Variants in CFAP47 observed in about 807,000 individuals in gnomAD.
The protein encoded by CFAP47 is cilia- and flagella-associated protein 47.
CFAP47 carries 29 observed loss-of-function variants against 148.1 expected under a neutral mutation model. The ratio of observed to expected loss-of-function variants is 0.20; its 90% CI spans 0.15 to 0.27. The LOEUF is 0.27. Ranked by LOEUF, CFAP47 falls within the 10% of genes least tolerant of loss-of-function variation. The probability of loss-of-function intolerance (pLI) is 1.00; values close to 1 mark genes in which losing one functional copy is unlikely to be tolerated. For missense variants in CFAP47, 1,872 were observed against 1,697.5 expected (o/e 1.10, Z -1.81); for synonymous variants, 664 against 577.3 (o/e 1.15, Z -2.15).
chrX:36,251,227 T>C, intron 48 of CFAP47, 106 bp from the exon 49 acceptor site: 1 of 284,946 alleles, frequency 3.5e-6, no homozygotes, highest in Non-Finnish European at 6.2e-6. Flanking sequence ...TAAATTAAAT[T>C]TCAGTTTGTT....
At chrX:36,350,177 C>T (rs782733603) in intron 59 of CFAP47, 45 bp downstream of exon 59, 2 of 814,990 alleles carry the variant, frequency 2.5e-6, no homozygotes, top group Non-Finnish European at 3.6e-6. Flanking sequence ...TCTTAGAGAC[C>T]TTAGATATTC....
intron 62 of CFAP47, among the ~76,000 whole-genome samples, chrX:36,372,002 A>ATACACACATGTGTATGTG (rs1941974452): frequency 1.0e-5 from 1 of 99,582 alleles, no homozygotes; most frequent in African/African-American, 3.8e-5. Flanking sequence ...ATGTGTATAT[A>ATACACACATGTGTATGTG]TGTGTGTATC....
chrX:36,237,278 G>C (rs1940480320), intron 48 of CFAP47, among the ~76,000 whole-genome samples: 2 of 111,908 alleles, frequency 1.8e-5, no homozygotes. Flanking sequence ...AAATATTAAG[G>C]AATGCATAAT....
At chrX:36,126,366 G>A (rs915222437) in intron 33 of CFAP47, among the ~76,000 whole-genome samples, 2 of 111,209 alleles carry the variant, frequency 1.8e-5, no homozygotes, top group Admixed American at 1.9e-4. Context: ...CTGTTCACGT[G>A]ATAGTTTGCT....
intron 42 of CFAP47, among the ~76,000 whole-genome samples, chrX:36,195,557 C>T (rs1432667827): frequency 9.0e-6 from 1 of 111,469 alleles, no homozygotes; most frequent in Non-Finnish European, 1.9e-5. Context: ...ATCTTTGATG[C>T]CAAAACAGAT....
intron 54 of CFAP47, 26 bp from the exon 55 acceptor site, chrX:36,306,746 C>T: frequency 9.9e-7 from 1 of 1,014,385 alleles, no homozygotes; most frequent in Non-Finnish European, 1.3e-6. Context: ...ATTTTTGTTC[C>T]CCCTTTGCTT....
In CFAP47 at chrX:36,126,742, A is replaced by G. The variant is rs904982941; in HGVS notation, c.5321-11216A>G. ...TGTGTAAGTGTTCTTATTTCTCCACATCCTCTCCAGCATCTGTTTTTTCCT... is the reference window on the plus strand; with the variant it reads ...TGTGTAAGTGTTCTTATTTCTCCACGTCCTCTCCAGCATCTGTTTTTTCCT... On this transcript the variant is annotated intron_variant, in intron 33 of 63. Transcript: ENST00000378653. Among the ~76,000 whole-genome samples, 3 of 111,767 alleles carry G rather than the reference A, an allele frequency of 2.7e-5. No homozygotes were observed. In the East Asian group the frequency reaches 8.5e-4, roughly 32 times the overall value.
intron 22 of CFAP47, 126 bp downstream of exon 22, chrX:36,015,038 A>C (rs1012401550): frequency 2.0e-5 from 5 of 252,776 alleles, no homozygotes; most frequent in Non-Finnish European, 2.8e-5. Context: ...ATAAAATTTT[A>C]AGAGGATTCC....
intron 49 of CFAP47, among the ~76,000 whole-genome samples, chrX:36,268,202 C>CCAGCCTGAGGA (rs1940918166): frequency 8.8e-6 from 1 of 113,396 alleles, no homozygotes; most frequent in African/African-American, 3.2e-5. Flanking sequence ...CTGCAGGTGT[C>CCAGCCTGAGGA]CAGTCAACAA....
At chrX:36,089,266 G>A (rs1938142748) in intron 30 of CFAP47, among the ~76,000 whole-genome samples, 1 of 110,473 alleles carries the variant, frequency 9.1e-6, no homozygotes, top group African/African-American at 3.3e-5. Context: ...CTACTCGGGA[G>A]GCTGAGGCAG....
In CFAP47 at chrX:35,948,387, G is replaced by A. The variant is rs139957745; in HGVS notation, c.591G>A (p.Lys197=). 29 of 1,199,069 alleles carry A rather than the reference G, an allele frequency of 2.4e-5. No individual in the cohort carries two copies. Among genetic ancestry groups the A allele is most frequent in the Non-Finnish European group, 3.3e-5 (29 of 885,326 alleles). Residue 197 remains lysine, a synonymous_variant, in exon 4 of 64, where the codon AAG becomes AAA. Transcript: ENST00000378653. The part of the protein sequence containing the change: ...IFPTSGIVDA[K]SSMVIKVDFC... ...CAACTAGTGGTATCGTGGATGCTAA[G>A]TCATCAATGGTTATTAAAGTAGATT...
intron 60 of CFAP47, 23 bp from the exon 61 acceptor site, chrX:36,361,307 T>C (rs1556019187): frequency 2.2e-6 from 2 of 918,613 alleles, no homozygotes; most frequent in South Asian, 2.3e-5. Context: ...AATTGAAATA[T>C]ATTTTCATCT....
chrX:36,338,019 G>A (rs782370284), intron 57 of CFAP47, among the ~76,000 whole-genome samples: 9 of 99,522 alleles, frequency 9.0e-5, no homozygotes, highest in African/African-American at 2.6e-4. Context: ...ACAGGCGCCC[G>A]CCACTACGCC....
intron 63 of CFAP47, among the ~76,000 whole-genome samples, chrX:36,384,472 T>A (rs1942109028): frequency 8.9e-6 from 1 of 112,763 alleles, no homozygotes; most frequent in Non-Finnish European, 1.9e-5. Flanking sequence ...TGTGTTTATC[T>A]TGGAAGGTAC....
At chrX:36,174,410 T>A (rs1208955937) in intron 39 of CFAP47, among the ~76,000 whole-genome samples, 1 of 110,473 alleles carries the variant, frequency 9.1e-6, no homozygotes, top group Non-Finnish European at 1.9e-5. Context: ...GGTCTTTACA[T>A]TTTGGCATGA....
chrX:36,130,255 T>C (rs1273320148), intron 33 of CFAP47, among the ~76,000 whole-genome samples: 1 of 110,700 alleles, frequency 9.0e-6, no homozygotes, highest in Non-Finnish European at 1.9e-5. Flanking sequence ...TGATAAAAAA[T>C]GGGCAAAAAA....
At chrX:36,256,467 C>G (rs1940753782) in intron 49 of CFAP47, among the ~76,000 whole-genome samples, 1 of 111,521 alleles carries the variant, frequency 9.0e-6, no homozygotes, top group Admixed American at 9.5e-5. Context: ...ATTTGGTATA[C>G]CTTACATATC....
At chrX:36,276,543 C>T (rs1556002725) in intron 49 of CFAP47, among the ~76,000 whole-genome samples, 3 of 111,573 alleles carry the variant, frequency 2.7e-5, no homozygotes, top group African/African-American at 9.8e-5. Context: ...TACTCTCTAC[C>T]TTTAATGCAT....
chrX:36,106,316 C>T (rs1938465311), intron 33 of CFAP47, among the ~76,000 whole-genome samples: 1 of 112,347 alleles, frequency 8.9e-6, no homozygotes, highest in African/African-American at 3.2e-5. Flanking sequence ...AGCCAAGGAA[C>T]AATCTTGTCT....
Sources: gnomAD v4.1 joint callset for allele counts (sites outside exome capture counted in the v4.1 genomes callset) on GRCh38, gnomAD v4.1.1 for gene constraint, MANE v1.5 for transcripts, NCBI Gene and HGNC (gene_info 2026-07-23, HGNC 2026-07-21) for gene names.